Variants in WDFY3 observed in about 807,000 individuals in gnomAD.
The protein encoded by WDFY3 is WD repeat and FYVE domain-containing protein 3.
In WDFY3, 66 loss-of-function variants were observed where a neutral mutation model predicts 409.6. That is an observed-to-expected ratio of 0.16 (90% confidence interval 0.13 to 0.20). WDFY3 has a LOEUF of 0.20. Among genes scored for constraint, WDFY3 ranks in the 10% least tolerant of loss-of-function variants. The probability of loss-of-function intolerance (pLI) is 1.00; values close to 1 mark genes in which losing one functional copy is unlikely to be tolerated. For synonymous variants in WDFY3, 1,521 were observed against 1,537.1 expected, an observed-to-expected ratio of 0.99 and a Z score of 0.25; for missense variants, 3,031 against 4,298.1, an observed-to-expected ratio of 0.71 and a Z score of 8.24.
At chr4:84,834,232 A>C (rs1756219970) in intron 7 of WDFY3, among the ~76,000 whole-genome samples, 1 of 152,256 alleles carries the variant, frequency 6.6e-6, no homozygotes. Context: ...AACTGGATGC[A>C]AGGATTTCTT....
At chr4:84,705,098 GAT>G (rs746772752) in intron 54 of WDFY3, among the ~76,000 whole-genome samples, 2 of 152,134 alleles carry the variant, frequency 1.3e-5, no homozygotes, top group East Asian at 3.9e-4. Context: ...GACTAAACAT[GAT>G]TAGAGACAGA....
In WDFY3 at chr4:84,697,370, C is replaced by A. The variant is rs78120425; in HGVS notation, c.8597-547G>T. ...GCATGTATTTTGCAGTAAGCATTCT[C>A]ATTTAAAAAGCAAAATCTGAAATGA... On this transcript the variant is annotated intron_variant, in intron 56 of 67. Transcript: ENST00000295888. Among the ~76,000 whole-genome samples the A allele has an allele frequency of 6.6e-3, 1,006 of 152,258 alleles. 10 individuals are homozygous for A. The highest frequency in any genetic ancestry group is 0.023 in the African/African-American group (962 of 41,536).
chr4:84,815,131 T>C (rs1447811822), intron 13 of WDFY3, among the ~76,000 whole-genome samples: 4 of 152,128 alleles, frequency 2.6e-5, no homozygotes, highest in African/African-American at 4.8e-5. Flanking sequence ...AGAGTACTAG[T>C]AGAGGAAGTG....
intron 23 of WDFY3, among the ~76,000 whole-genome samples, chr4:84,786,740 G>A (rs903818726): frequency 1.3e-5 from 2 of 152,200 alleles, no homozygotes; most frequent in African/African-American, 4.8e-5. Context: ...ATAAATACAT[G>A]TGAAGGGCTC....
intron 29 of WDFY3, among the ~76,000 whole-genome samples, chr4:84,773,931 AGG>A (rs1445534257): frequency 6.6e-6 from 1 of 152,194 alleles, no homozygotes; most frequent in East Asian, 1.9e-4. Context: ...CATGTTGGGC[AGG>A]CTGGTCTTGA....
intron 3 of WDFY3, among the ~76,000 whole-genome samples, chr4:84,865,853 T>G (rs1761314924): frequency 6.6e-6 from 1 of 152,154 alleles, no homozygotes. Flanking sequence ...GCAGATCCTT[T>G]AAGCTCAGGA....
At chr4:84,874,394 C>T (rs1019590582) in intron 3 of WDFY3, among the ~76,000 whole-genome samples, 1 of 151,758 alleles carries the variant, frequency 6.6e-6, no homozygotes, top group African/African-American at 2.4e-5. Flanking sequence ...GCCTGGCTGA[C>T]AGAGCGAGAC....
In WDFY3 at chr4:84,959,737, A is replaced by G. The variant is rs1284915258; in HGVS notation, c.-226+6472T>C. Among the ~76,000 whole-genome samples the G allele has an allele frequency of 4.6e-5, 7 of 152,354 alleles. No homozygotes were observed. In the East Asian group the frequency reaches 1.4e-3, roughly 29 times the overall value. On this transcript the variant is annotated intron_variant, in intron 1 of 67. Coordinates refer to ENST00000295888, the MANE Select transcript of WDFY3 (RefSeq NM_014991.6). ...CATGCCTGTGTAAATATCTCAGCAG[A>G]TATGTCTAAACCAGCAGTTGGACAT...
chr4:84,673,130 G>C, intron 67 of WDFY3, 139 bp from the exon 68 acceptor site: 1 of 1,065,286 alleles, frequency 9.4e-7, no homozygotes, highest in Non-Finnish European at 1.3e-6. Flanking sequence ...GCTGAACAAG[G>C]ACTAAAAGGA....
intron 4 of WDFY3, among the ~76,000 whole-genome samples, chr4:84,852,639 T>C (rs1759184686): frequency 6.6e-6 from 1 of 152,202 alleles, no homozygotes; most frequent in Admixed American, 6.5e-5. Flanking sequence ...TCTCAAAAAA[T>C]AAACTGTACT....
chr4:84,829,120 G>T lies in WDFY3; in HGVS notation c.840C>A (p.Val280=), dbSNP rs750334762. The part of the protein sequence containing the change: ...QSDDLSPLEI[V]EMFAGLSCFL... The stretch of plus-strand genomic sequence containing the variant: ...AACAAGAAAGCCCAGCAAACATTTC[G>T]ACAATTTCTAGGGGAGACAGGTCAT... The change falls in exon 9 of 68, where the codon GTC becomes GTA. Residue 280 remains valine (V), a synonymous_variant. Transcript: ENST00000295888. 6.2e-7 allele frequency: 1 copy of T among 1,613,610 alleles called. No individual in the cohort carries two copies. Among genetic ancestry groups the T allele is most frequent in the East Asian group, 2.2e-5 (1 of 44,858 alleles).
At chr4:84,836,694 T>C in intron 7 of WDFY3, among the ~76,000 whole-genome samples, 1 of 152,226 alleles carries the variant, frequency 6.6e-6, no homozygotes. Flanking sequence ...TCTCAATGGC[T>C]GGATCTGTTC....
Position 84,690,600 on chromosome 4 carries a change from G to C in WDFY3, c.9269C>G (p.Pro3090Arg). Residue 3090 changes from proline to arginine, a missense_variant, in exon 61 of 68, where the codon CCC becomes CGC. Physicochemically the swap from Pro to Arg is moderately radical, Grantham distance 103. This residue lies in a region of WDFY3 where 152 missense variants were observed against 193.5 expected (regional missense o/e 0.79). Coordinates refer to ENST00000295888, the MANE Select transcript of WDFY3 (RefSeq NM_014991.6). ...GQILCAICPNPKLVITGGTST... is the reference protein window; with the variant it reads ...GQILCAICPNRKLVITGGTST... ...TGTTCCACCCGTGATGACCAGCTTG[G>C]GGTTGGGGCAGATTGCACAGAGAAT... 1 of 1,614,078 alleles carries C rather than the reference G, an allele frequency of 6.2e-7. No homozygotes were observed. The highest frequency in any genetic ancestry group is 8.5e-7 in the Non-Finnish European group (1 of 1,180,010).
At chr4:84,749,766 G>C (rs1368872044) in intron 36 of WDFY3, among the ~76,000 whole-genome samples, 1 of 152,086 alleles carries the variant, frequency 6.6e-6, no homozygotes, top group African/African-American at 2.4e-5. Context: ...TAATCTATCT[G>C]GAAGCTTCAA....
intron 51 of WDFY3, among the ~76,000 whole-genome samples, chr4:84,709,729 T>C (rs896690167): frequency 3.9e-5 from 6 of 152,320 alleles, no homozygotes; most frequent in Admixed American, 3.9e-4. Flanking sequence ...CTGTTTGTTT[T>C]GTTTTGTTCT....
intron 2 of WDFY3, among the ~76,000 whole-genome samples, chr4:84,897,368 T>G (rs1765775347): frequency 6.6e-6 from 1 of 151,978 alleles, no homozygotes; most frequent in Non-Finnish European, 1.5e-5. Flanking sequence ...GAAAATGCAC[T>G]TTTTTTATTT....
At chr4:84,727,311 TC>T (rs1332352144) in intron 44 of WDFY3, among the ~76,000 whole-genome samples, 1 of 152,136 alleles carries the variant, frequency 6.6e-6, no homozygotes, top group Non-Finnish European at 1.5e-5. Flanking sequence ...TCTTCCATCT[TC>T]CTTTCCCTGG....
At chr4:84,814,253 G>A (rs1752944224) in intron 13 of WDFY3, among the ~76,000 whole-genome samples, 1 of 152,096 alleles carries the variant, frequency 6.6e-6, no homozygotes, top group African/African-American at 2.4e-5. Flanking sequence ...GCAAAGAAAT[G>A]CACACAACAA....
chr4:84,882,152 T>C (rs1051999973), intron 3 of WDFY3, among the ~76,000 whole-genome samples: 2 of 152,118 alleles, frequency 1.3e-5, no homozygotes, highest in African/African-American at 4.8e-5. Context: ...ATAATCCTCA[T>C]CACCTAGAAA....
Sources: allele counts gnomAD v4.1 joint callset (sites outside exome capture counted in the v4.1 genomes callset), GRCh38; gene constraint gnomAD v4.1.1; regional missense constraint gnomAD v4.1.1; transcripts MANE v1.5; gene names NCBI Gene and HGNC (gene_info 2026-07-23, HGNC 2026-07-21).